Variants in VAV2 observed in about 807,000 individuals in gnomAD.
VAV2 encodes guanine nucleotide exchange factor VAV2.
A neutral mutation model predicts 132.5 loss-of-function variants in VAV2; 67 were observed. The observed-to-expected ratio is 0.51, with a 90% confidence interval of 0.42 to 0.62. The LOEUF is 0.62. Ranked by LOEUF, VAV2 falls within the 20% of genes least tolerant of loss-of-function variation. The pLI is 0.00. For missense variants in VAV2, 938 were observed against 1,153.6 expected (o/e 0.81, Z 2.71); for synonymous variants, 492 against 443.5 (o/e 1.11, Z -1.37).
chr9:133,983,382 C>A (rs976714871), intron 1 of VAV2, among the ~76,000 whole-genome samples: 1 of 152,296 alleles, frequency 6.6e-6, no homozygotes, highest in South Asian at 2.1e-4. Flanking sequence ...TCATGACCTG[C>A]GCCCCATAGC....
chr9:133,771,356 G>A (rs1038150068), intron 26 of VAV2, among the ~76,000 whole-genome samples: 2 of 152,240 alleles, frequency 1.3e-5, no homozygotes, highest in South Asian at 2.1e-4. Context: ...GAGCCACTAC[G>A]CTCAGCCCGA....
intron 2 of VAV2, among the ~76,000 whole-genome samples, chr9:133,920,018 C>T (rs1840237008): frequency 6.6e-6 from 1 of 152,218 alleles, no homozygotes; most frequent in African/African-American, 2.4e-5. Context: ...GCCAGACAGG[C>T]CTGGGCGTGG....
At chr9:133,970,686 G>A (rs1484019572) in intron 1 of VAV2, among the ~76,000 whole-genome samples, 3 of 152,158 alleles carry the variant, frequency 2.0e-5, no homozygotes, top group African/African-American at 7.2e-5. Context: ...CAAGAAAGCT[G>A]CCTCTCCTCA....
intron 2 of VAV2, among the ~76,000 whole-genome samples, chr9:133,933,103 A>G (rs1310567649): frequency 6.6e-6 from 1 of 152,268 alleles, no homozygotes; most frequent in African/African-American, 2.4e-5. Context: ...TCCCTGGGAG[A>G]GGGAGACAGT....
At chr9:133,986,683 T>C (rs1427627217) in intron 1 of VAV2, among the ~76,000 whole-genome samples, 4 of 152,242 alleles carry the variant, frequency 2.6e-5, no homozygotes, top group Non-Finnish European at 5.9e-5. Context: ...TTTTCAAATT[T>C]TTTTAGACAA....
intron 16 of VAV2, among the ~76,000 whole-genome samples, chr9:133,786,327 G>A (rs988105719): frequency 2.0e-5 from 3 of 152,076 alleles, no homozygotes; most frequent in Non-Finnish European, 2.9e-5. Flanking sequence ...TGATGCACAT[G>A]CACCCATGCT....
intron 3 of VAV2, among the ~76,000 whole-genome samples, chr9:133,859,583 A>AT (rs1349551511): frequency 2.6e-5 from 4 of 152,056 alleles, no homozygotes; most frequent in East Asian, 3.9e-4. Context: ...AAAATGACTG[A>AT]TTTTTTGTTG....
chr9:133,791,944 ACT>A, intron 12 of VAV2, 75 bp from the exon 13 acceptor site: 2 of 1,169,072 alleles, frequency 1.7e-6, no homozygotes, highest in Non-Finnish European at 2.5e-6. Context: ...AGCAGGCTGT[ACT>A]GGGTGGGGTG....
In VAV2 at chr9:133,824,085, G is replaced by A. The variant is rs955251381; in HGVS notation, c.449+10187C>T. Among the ~76,000 whole-genome samples, 1 of 152,184 alleles carries A rather than the reference G, an allele frequency of 6.6e-6. No homozygotes were observed. Among genetic ancestry groups the A allele is most frequent in the African/African-American group, 2.4e-5 (1 of 41,436 alleles). ...CCCACTGTGGTGCCAGAGTACCAAG[G>A]GGCCCACAAGATGTCCGAGGGGGGC... is the stretch of plus-strand genomic sequence containing the variant. On this transcript the variant is annotated intron_variant, in intron 4 of 29. Coordinates refer to ENST00000371850, the MANE Select transcript of VAV2 (RefSeq NM_001134398.2). This position sits in a 1 kb window ranked among gnomAD's most constrained non-coding sequence, Gnocchi z 5.2.
At chr9:133,786,942 G>C (rs1183356563) in intron 16 of VAV2, among the ~76,000 whole-genome samples, 1 of 152,098 alleles carries the variant, frequency 6.6e-6, no homozygotes, top group Non-Finnish European at 1.5e-5. Flanking sequence ...GGAGGAGGGA[G>C]AGAACACAGA....
intron 12 of VAV2, among the ~76,000 whole-genome samples, chr9:133,793,694 T>C (rs2073888): frequency 0.55 from 83,843 of 151,904 alleles, 23,566 homozygotes; most frequent in African/African-American, 0.65. Context: ...GAAATGTCTG[T>C]ACTTTGATAC....
In VAV2 at chr9:133,769,106, C is replaced by T. The variant is rs1412001222; in HGVS notation, c.2434+311G>A. Among the ~76,000 whole-genome samples the T allele has an allele frequency of 6.6e-6, 1 of 152,224 alleles. No homozygotes were observed. The highest frequency in any genetic ancestry group is 1.5e-5 in the Non-Finnish European group (1 of 68,042). On this transcript the variant is annotated intron_variant, in intron 28 of 29. Transcript: ENST00000371850. The surrounding 1 kb of genome is among the most constrained non-coding windows in gnomAD (Gnocchi z 8.1). ...CCTCGTGGCCACCTGCTTTCTGCTA[C>T]CAGAGGCAAAGCTCTTGATGAACAA...
intron 2 of VAV2, among the ~76,000 whole-genome samples, chr9:133,890,651 C>G (rs1433947480): frequency 6.6e-6 from 1 of 152,128 alleles, no homozygotes; most frequent in Non-Finnish European, 1.5e-5. Context: ...GAACCACGCT[C>G]TGGACACTGT....
At chr9:133,960,590 C>G (rs568706350) in intron 1 of VAV2, among the ~76,000 whole-genome samples, 158 of 152,336 alleles carry the variant, frequency 1.0e-3, no homozygotes, top group Non-Finnish European at 1.6e-3. Flanking sequence ...GACTTATCTG[C>G]GGAGAAAACG....
At chr9:133,859,053 C>T (rs1837494948) in intron 3 of VAV2, among the ~76,000 whole-genome samples, 2 of 152,158 alleles carry the variant, frequency 1.3e-5, no homozygotes, top group South Asian at 4.1e-4. Context: ...CAGCAGCATC[C>T]TCTTGGGTTG....
At position 133,762,320 on chromosome 9, in the gene VAV2, T is replaced by A. The variant is rs1833285680; in HGVS notation, c.*1742A>T. 6.6e-6 allele frequency: 1 copy of A among 152,660 alleles called. No individual in the cohort carries two copies. Among genetic ancestry groups the A allele is most frequent in the African/African-American group, 2.4e-5 (1 of 41,460 alleles). The allele number at this position is 152,660 out of a possible 1,614,324, so 9.5% of individuals were successfully genotyped here. A position where few individuals can be genotyped will look rare whatever the true frequency, so the allele number is the denominator to read the frequency against. On this transcript the variant is annotated 3_prime_UTR_variant, in exon 30 of 30. Coordinates refer to ENST00000371850, the MANE Select transcript of VAV2 (RefSeq NM_001134398.2). The surrounding 1 kb of genome is among the most constrained non-coding windows in gnomAD (Gnocchi z 5.0). The stretch of plus-strand genomic sequence containing the variant: ...AATATACATCATTTTCTTGCTATTA[T>A]AAAATCTCTTATTATTCACAGATAT...
chr9:133,924,176 AT>A (rs1232262274), intron 2 of VAV2, among the ~76,000 whole-genome samples: 2 of 152,100 alleles, frequency 1.3e-5, no homozygotes, highest in Non-Finnish European at 2.9e-5. Context: ...TCTTGAAGGC[AT>A]TATTTATTTT....
At chr9:133,989,276 T>C (rs1842943358) in intron 1 of VAV2, among the ~76,000 whole-genome samples, 1 of 151,226 alleles carries the variant, frequency 6.6e-6, no homozygotes, top group Admixed American at 6.6e-5. Flanking sequence ...GAGGTGGATG[T>C]TGTGGTGAGC....
intron 2 of VAV2, among the ~76,000 whole-genome samples, chr9:133,867,026 G>A (rs924836355): frequency 6.6e-6 from 1 of 152,110 alleles, no homozygotes; most frequent in African/African-American, 2.4e-5. Context: ...AGTAAAACAC[G>A]GTCCTAACAG....
Sources: gnomAD v4.1 joint callset for allele counts (sites outside exome capture counted in the v4.1 genomes callset) on GRCh38, gnomAD v4.1.1 for gene constraint, Gnocchi (gnomAD v3.1) non-coding constraint, MANE v1.5 for transcripts, NCBI Gene and HGNC (gene_info 2026-07-23, HGNC 2026-07-21) for gene names.